MAGEC3: variants seen among roughly 807,000 people sequenced by gnomAD.
MAGEC3 encodes the protein MAGE family member C3.
Under a neutral mutation model 35.3 loss-of-function variants are expected in MAGEC3, and 34 were observed. The ratio of observed to expected loss-of-function variants is 0.96; its 90% CI spans 0.73 to 1.28. The LOEUF (loss-of-function observed/expected upper bound fraction) is 1.28, where lower values mean the gene tolerates loss of function less well. Among genes scored for constraint, MAGEC3 ranks in the 50% most tolerant of loss-of-function variants. MAGEC3 has a pLI of 0.00. For missense variants in MAGEC3, 561 were observed against 483.6 expected (o/e 1.16, Z -1.50); for synonymous variants, 202 against 185.6 (o/e 1.09, Z -0.72).
rs773915462 is a variant in MAGEC3 at position 141,896,926 on chromosome X, A to G, written c.1168A>G (p.Ser390Gly). The G allele has an allele frequency of 3.4e-6, 4 of 1,182,407 alleles. No homozygotes were observed. The Admixed American group carries it at 9.8e-5, about 29-fold the overall frequency. ...PAAGMPPLPQ[S>G]PPEIPPQGPP... ...TGCTGGGATGCCACCTCTTCCCCAG[A>G]GTCCTCCTGAGATTCCTCCCCAGGG... is the stretch of plus-strand genomic sequence containing the variant. Residue 390 changes from serine (S) to glycine (G), a missense_variant, in exon 7 of 8, where the codon AGT becomes GGT. Ser to Gly is a moderately conservative substitution (Grantham distance 56, BLOSUM62 0). Coordinates refer to ENST00000298296, the MANE Select transcript of MAGEC3 (RefSeq NM_138702.1).
intron 2 of MAGEC3, among the ~76,000 whole-genome samples, chrX:141,878,842 C>G (rs111229918): frequency 0.02 from 2,213 of 111,837 alleles, 49 homozygotes; most frequent in African/African-American, 0.068. Flanking sequence ...AACATAGTCT[C>G]TGGACAGCAG....
intron 2 of MAGEC3, among the ~76,000 whole-genome samples, chrX:141,874,701 C>G (rs181019897): frequency 9.1e-6 from 1 of 109,766 alleles, no homozygotes; most frequent in African/African-American, 3.3e-5. Context: ...TTCAAACACT[C>G]AACAGGAGGC....
Position 141,897,786 on chromosome X carries a change from C to G in MAGEC3, c.1886C>G (p.Ala629Gly). The change falls in exon 8 of 8, where the codon GCC becomes GGC. Residue 629 changes from alanine (A) to glycine (G), a missense_variant. By Grantham distance (60) the Ala-to-Gly change is moderately conservative (BLOSUM62 0). Transcript: ENST00000298296. Reference protein sequence around the residue: ...IDTTDDATAMASASPSVMSTN... With the variant: ...IDTTDDATAMGSASPSVMSTN... Reference sequence around the variant, plus strand: ...ACCACAGATGATGCTACTGCCATGGCCAGTGCAAGCCCCAGTGTCATGTCC... The same window carrying G: ...ACCACAGATGATGCTACTGCCATGGGCAGTGCAAGCCCCAGTGTCATGTCC... 8.3e-7 allele frequency: 1 copy of G among 1,204,503 alleles called. No individual in the cohort carries two copies. Among genetic ancestry groups the G allele is most frequent in the Non-Finnish European group, 1.1e-6 (1 of 892,638 alleles).
At chrX:141,895,719 GGGGGAGGGGTGGA>G (rs1414914037) in intron 6 of MAGEC3, among the ~76,000 whole-genome samples, 160 bp downstream of exon 6, 1 of 106,952 alleles carries the variant, frequency 9.3e-6, no homozygotes, top group Non-Finnish European at 1.9e-5. Flanking sequence ...TCTCATTGCT[GGGGGAGGGGTGGA>G]GGGGAGGGGG....
intron 2 of MAGEC3, among the ~76,000 whole-genome samples, chrX:141,873,350 G>A (rs190807107): frequency 5.2e-4 from 58 of 110,890 alleles, no homozygotes; most frequent in Admixed American, 1.6e-3. Flanking sequence ...TTATTAAGGC[G>A]CACTGTTTTA....
chrX:141,844,316 G>A (rs2017703976), intron 1 of MAGEC3, among the ~76,000 whole-genome samples: 1 of 110,926 alleles, frequency 9.0e-6, no homozygotes, highest in African/African-American at 3.3e-5. Flanking sequence ...TTTGGCGTAT[G>A]AGTTTAGCTT....
rs747671510 is a variant in MAGEC3, at chrX:141,871,346, G to A, written c.258+5741G>A. Among the ~76,000 whole-genome samples, 39 of 108,511 alleles carry A rather than the reference G, an allele frequency of 3.6e-4. No individual in the cohort carries two copies. In the East Asian group the frequency reaches 7.4e-3, roughly 21 times the overall value. 94.2% of individuals were successfully genotyped at this position (108,511 alleles called of 115,157 possible). On this transcript the variant is annotated intron_variant, in intron 2 of 7. Coordinates refer to ENST00000298296, the MANE Select transcript of MAGEC3 (RefSeq NM_138702.1). ...CGTCTAATTCCAGGGATTCCATAAG[G>A]AAAACAGAGATTTTTTTTCCAAAAT...
At chrX:141,863,155 C>A (rs1048809153) in intron 1 of MAGEC3, among the ~76,000 whole-genome samples, 1 of 111,858 alleles carries the variant, frequency 8.9e-6, no homozygotes, top group Non-Finnish European at 1.9e-5. Flanking sequence ...CGGAGTTTCA[C>A]TACTACCTTA....
intron 1 of MAGEC3, among the ~76,000 whole-genome samples, chrX:141,848,372 G>T (rs953769363): frequency 9.1e-5 from 10 of 110,270 alleles, no homozygotes; most frequent in Non-Finnish European, 7.6e-5. Context: ...TCTATAAATA[G>T]GAAACCCTGA....
chrX:141,859,991 G>T (rs1235109707), intron 1 of MAGEC3, among the ~76,000 whole-genome samples: 1 of 111,944 alleles, frequency 8.9e-6, no homozygotes, highest in East Asian at 2.8e-4. Flanking sequence ...GGAGGACTGG[G>T]AATATGATCT....
intron 4 of MAGEC3, chrX:141,894,606 A>T: frequency 1.1e-6 from 1 of 946,473 alleles, no homozygotes; most frequent in South Asian, 2.1e-5. Flanking sequence ...TAAAACCTTG[A>T]GGAAGACTGA....
chrX:141,894,492 C>G (rs765108087), intron 4 of MAGEC3: 1 of 314,046 alleles, frequency 3.2e-6, no homozygotes, highest in Non-Finnish European at 5.1e-6. Flanking sequence ...ACTTCACACA[C>G]GGTAGTACTT....
chrX:141,849,343 G>A (rs5953631), intron 1 of MAGEC3, among the ~76,000 whole-genome samples: 3,017 of 110,460 alleles, frequency 0.027, 98 homozygotes, highest in African/African-American at 0.094. Flanking sequence ...AGAAAACCTA[G>A]GAAACACTTT....
At chrX:141,896,745 C>A in intron 6 of MAGEC3, 137 bp from the exon 7 acceptor site, 1 of 1,211,804 alleles carries the variant, frequency 8.3e-7, no homozygotes, top group Non-Finnish European at 1.1e-6. Flanking sequence ...CACAGGATTC[C>A]ATAGATGAGG....
chrX:141,895,137 G>A (rs1264598369), intron 4 of MAGEC3, 132 bp from the exon 5 acceptor site: 37 of 739,788 alleles, frequency 5.0e-5, no homozygotes, highest in Non-Finnish European at 6.9e-5. Context: ...CAAAGGGGTC[G>A]GGGGGCGCTG....
intron 2 of MAGEC3, among the ~76,000 whole-genome samples, chrX:141,878,131 T>G (rs1301497151): frequency 8.9e-6 from 1 of 111,775 alleles, no homozygotes; most frequent in African/African-American, 3.3e-5. Flanking sequence ...TTTTGACAGT[T>G]TCGTATGGTT....
intron 1 of MAGEC3, among the ~76,000 whole-genome samples, chrX:141,846,490 A>G (rs1436590824): frequency 1.8e-5 from 2 of 110,358 alleles, no homozygotes; most frequent in East Asian, 2.9e-4. Flanking sequence ...GGACAATGAG[A>G]TGAAAATATT....
chrX:141,860,685 TAAAC>T (rs913712802), intron 1 of MAGEC3, among the ~76,000 whole-genome samples: 50 of 112,303 alleles, frequency 4.5e-4, no homozygotes, highest in Admixed American at 2.3e-3. Context: ...CTAAATTAAA[TAAAC>T]CAATCATAAA....
At chrX:141,873,522 C>T (rs1382109823) in intron 2 of MAGEC3, among the ~76,000 whole-genome samples, 2 of 111,343 alleles carry the variant, frequency 1.8e-5, no homozygotes, top group Non-Finnish European at 3.8e-5. Flanking sequence ...CCTTGAAATG[C>T]ATGAGGCTAG....
Sources: gnomAD v4.1 joint callset for allele counts (sites outside exome capture counted in the v4.1 genomes callset) on GRCh38, gnomAD v4.1.1 for gene constraint, MANE v1.5 for transcripts, NCBI Gene and HGNC (gene_info 2026-07-23, HGNC 2026-07-21) for gene names.